The following UGT1A6 variants were observed in gnomAD, a reference collection of about 807,000 sequenced individuals.
UGT1A6 encodes the protein UDP-glucuronosyltransferase 1A6.
Under a neutral mutation model 44.4 loss-of-function variants are expected in UGT1A6, and 32 were observed. The ratio of observed to expected loss-of-function variants is 0.72; its 90% CI spans 0.54 to 0.97. The LOEUF is 0.97. Ranked by LOEUF, UGT1A6 falls within the 50% of genes least tolerant of loss-of-function variation. The pLI, the probability that UGT1A6 is intolerant of heterozygous loss-of-function variation, is 0.00. For synonymous variants in UGT1A6, 238 were observed against 248.5 expected, an observed-to-expected ratio of 0.96 and a Z score of 0.40; for missense variants, 685 against 661.9, an observed-to-expected ratio of 1.03 and a Z score of -0.38.
chr2:233,737,111 A>G (rs1182220663), intron 1 of UGT1A6, among the ~76,000 whole-genome samples: 1 of 152,120 alleles, frequency 6.6e-6, no homozygotes. Context: ...TGTTCCCCAC[A>G]TGTTCAGAAG....
At chr2:233,746,459 A>G (rs1222925950) in intron 1 of UGT1A6, among the ~76,000 whole-genome samples, 1 of 151,694 alleles carries the variant, frequency 6.6e-6, no homozygotes, top group African/African-American at 2.4e-5. Flanking sequence ...GTACCTTCAA[A>G]AGGGTTCCAG....
chr2:233,748,133 A>G (rs1199962839), intron 1 of UGT1A6: 2 of 1,609,694 alleles, frequency 1.2e-6, no homozygotes, highest in Non-Finnish European at 1.7e-6. Context: ...AGTTTTTAAA[A>G]ATTGTATTTA....
intron 1 of UGT1A6, among the ~76,000 whole-genome samples, chr2:233,710,565 G>T (rs2125620366): frequency 6.6e-6 from 1 of 152,164 alleles, no homozygotes; most frequent in Non-Finnish European, 1.5e-5. Context: ...TCTTTTAAAA[G>T]GTGCCCTTTC....
At chr2:233,759,349 A>C (rs900901642) in intron 1 of UGT1A6, among the ~76,000 whole-genome samples, 1 of 152,146 alleles carries the variant, frequency 6.6e-6, no homozygotes, top group African/African-American at 2.4e-5. Context: ...GAGCGCTGAA[A>C]ATCTCAACTA....
chr2:233,716,057 A>G (rs1298941606), intron 1 of UGT1A6, among the ~76,000 whole-genome samples: 1 of 152,210 alleles, frequency 6.6e-6, no homozygotes, highest in Admixed American at 6.5e-5. Flanking sequence ...GTCCATTCTT[A>G]GTTGTATTCT....
intron 1 of UGT1A6, chr2:233,755,330 C>T (rs1695864854): frequency 6.5e-6 from 3 of 463,614 alleles, no homozygotes; most frequent in East Asian, 7.0e-5. Context: ...TGCCAGCACC[C>T]GCGCACAGGT....
intron 1 of UGT1A6, among the ~76,000 whole-genome samples, chr2:233,709,024 G>A (rs994653845): frequency 6.6e-6 from 1 of 152,068 alleles, no homozygotes; most frequent in Non-Finnish European, 1.5e-5. Flanking sequence ...CAAGCAGCAG[G>A]GGCTTCAGCC....
intron 1 of UGT1A6, among the ~76,000 whole-genome samples, chr2:233,705,160 G>A (rs111652799): frequency 2.0e-5 from 3 of 151,646 alleles, no homozygotes; most frequent in African/African-American, 7.3e-5. Context: ...GAGAGAGAGA[G>A]AGAGAATAAA....
chr2:233,729,936 G>A (rs1335744695), intron 1 of UGT1A6: 1 of 1,613,890 alleles, frequency 6.2e-7, no homozygotes, highest in Admixed American at 1.7e-5. Flanking sequence ...GGCCAATCAT[G>A]CCCAACATGG....
intron 1 of UGT1A6, among the ~76,000 whole-genome samples, chr2:233,720,293 G>A (rs1340833186): frequency 6.6e-6 from 1 of 152,182 alleles, no homozygotes; most frequent in Non-Finnish European, 1.5e-5. Flanking sequence ...CTGACCAGGA[G>A]TTGGGGGTCT....
intron 1 of UGT1A6, chr2:233,760,741 C>G: frequency 6.2e-7 from 1 of 1,614,110 alleles, no homozygotes; most frequent in South Asian, 1.1e-5. Context: ...GCTGACGGAC[C>G]CTTTCCTTCC....
At chr2:233,723,283 C>G (rs2077074487) in intron 1 of UGT1A6, among the ~76,000 whole-genome samples, 1 of 114,006 alleles carries the variant, frequency 8.8e-6, no homozygotes, top group Non-Finnish European at 1.7e-5. Context: ...GATGTTGGCT[C>G]ACTGCAACCT....
chr2:233,747,196 T>C, intron 1 of UGT1A6: 1 of 1,604,480 alleles, frequency 6.2e-7, no homozygotes, highest in Non-Finnish European at 8.5e-7. Flanking sequence ...CAGTCAGCTG[T>C]CCGTGTCTTC....
chr2:233,766,731 T>C (rs1699235503), intron 1 of UGT1A6, among the ~76,000 whole-genome samples: 1 of 152,174 alleles, frequency 6.6e-6, no homozygotes, highest in African/African-American at 2.4e-5. Flanking sequence ...TATCACTGTG[T>C]GTATGTACAG....
intron 1 of UGT1A6, among the ~76,000 whole-genome samples, chr2:233,749,703 T>C (rs1694254740): frequency 1.3e-5 from 2 of 151,790 alleles, no homozygotes; most frequent in Non-Finnish European, 2.9e-5. Flanking sequence ...TGGGAGGTGA[T>C]TGGATCATGG....
At chr2:233,725,508 T>G (rs1448108269) in intron 1 of UGT1A6, among the ~76,000 whole-genome samples, 1 of 151,984 alleles carries the variant, frequency 6.6e-6, no homozygotes, top group East Asian at 1.9e-4. Context: ...TGAAATTAAT[T>G]TTACTAAGGC....
chr2:233,747,319 A>G (rs867833419), intron 1 of UGT1A6: 39 of 1,603,648 alleles, frequency 2.4e-5, no homozygotes, highest in Middle Eastern at 3.3e-4. Context: ...GGTGGTACCC[A>G]TTGATGGCAG....
intron 1 of UGT1A6, chr2:233,714,008 T>A (rs1460602380): frequency 4.9e-5 from 75 of 1,532,242 alleles, no homozygotes; most frequent in Non-Finnish European, 6.4e-5. Context: ...TGAGATAAAC[T>A]TTTAAAGGGT....
chr2:233,694,081 G>C (rs984890530), intron 1 of UGT1A6, among the ~76,000 whole-genome samples: 2 of 152,200 alleles, frequency 1.3e-5, no homozygotes, highest in African/African-American at 4.8e-5. Context: ...TGCTTGGCAA[G>C]AGTAGGAGAT....
Sources: allele counts gnomAD v4.1 joint callset (sites outside exome capture counted in the v4.1 genomes callset), GRCh38; gene constraint gnomAD v4.1.1; transcripts MANE v1.5; gene names NCBI Gene and HGNC (gene_info 2026-07-23, HGNC 2026-07-21).